The following RBBP8 variants were observed in gnomAD, a reference collection of about 807,000 sequenced individuals.
The protein encoded by RBBP8 is RB binding protein 8, endonuclease.
A neutral mutation model predicts 108.3 loss-of-function variants in RBBP8; 88 were observed. That is an observed-to-expected ratio of 0.81 (90% CI 0.68 to 0.97). The LOEUF (loss-of-function observed/expected upper bound fraction) is 0.97. RBBP8 is among the 50% of genes least tolerant of loss of function. RBBP8 has a pLI of 0.00. For missense variants in RBBP8, 1,023 were observed against 1,049.0 expected, an observed-to-expected ratio of 0.98 and a Z score of 0.34; for synonymous variants, 332 against 348.2, an observed-to-expected ratio of 0.95 and a Z score of 0.52.
At chr18:22,985,659 A>G (rs1195464173) in intron 8 of RBBP8, among the ~76,000 whole-genome samples, 4 of 151,904 alleles carry the variant, frequency 2.6e-5, no homozygotes, top group East Asian at 1.9e-4. Context: ...CCGCAGGTGT[A>G]TAGGTTGGGG....
intron 4 of RBBP8, among the ~76,000 whole-genome samples, chr18:22,964,134 T>A (rs1255641684): frequency 6.6e-6 from 1 of 152,166 alleles, no homozygotes; most frequent in Non-Finnish European, 1.5e-5. Flanking sequence ...AAAACAGTGC[T>A]GTTAGTCTTT....
At chr18:22,964,340 G>C (rs966194102) in intron 4 of RBBP8, among the ~76,000 whole-genome samples, 5 of 149,158 alleles carry the variant, frequency 3.4e-5, no homozygotes, top group Admixed American at 1.3e-4. Flanking sequence ...CTTTTGTATA[G>C]ATCTGTTAAC....
At position 22,990,035 on chromosome 18, in the gene RBBP8, AT is replaced by A. The variant is rs1214327042; in HGVS notation, c.807+724del. ...TGAATTAGTTTTTCATTACATATAG[AT>A]TTTTTTGTCCTTTCTAGTTTTAAAT... On this transcript the variant is annotated intron_variant, in intron 9 of 18. Transcript: ENST00000327155. Among the ~76,000 whole-genome samples the A allele has an allele frequency of 2.6e-5, 4 of 152,186 alleles. No homozygotes were observed. In the East Asian group the frequency reaches 5.8e-4, roughly 22 times the overall value.
intron 3 of RBBP8, among the ~76,000 whole-genome samples, chr18:22,927,693 A>C (rs1909843382): frequency 6.6e-6 from 1 of 152,180 alleles, no homozygotes; most frequent in Non-Finnish European, 1.5e-5. Flanking sequence ...TGGGTTAAAT[A>C]AAATATATTA....
chr18:23,026,413 C>T lies in RBBP8; in HGVS notation c.*173C>T, dbSNP rs571260350. 7 of 609,314 alleles carry T rather than the reference C, an allele frequency of 1.1e-5. No homozygotes were observed. The highest frequency in any genetic ancestry group is 8.8e-5 in the Admixed American group (3 of 33,964). 37.7% of individuals were successfully genotyped at this position (609,314 alleles called of 1,614,324 possible). A position where few individuals can be genotyped will look rare whatever the true frequency, so the allele number is the denominator to read the frequency against. On this transcript the variant is annotated 3_prime_UTR_variant, in exon 19 of 19. Coordinates refer to ENST00000327155, the MANE Select transcript of RBBP8 (RefSeq NM_002894.3). Reference sequence around the variant, plus strand: ...CTTTTGCACCTTTAAAACAATAAGGCGCTTTCATTTTGCACTCTAACTTAA... The same window carrying T: ...CTTTTGCACCTTTAAAACAATAAGGTGCTTTCATTTTGCACTCTAACTTAA...
intron 17 of RBBP8, among the ~76,000 whole-genome samples, chr18:23,020,900 T>C (rs1463108065): frequency 1.3e-5 from 2 of 152,178 alleles, no homozygotes; most frequent in African/African-American, 2.4e-5. Context: ...TAACAAAGGC[T>C]TATACTTAGG....
chr18:22,932,585 G>A (rs1265263555), upstream of RBBP8, among the ~76,000 whole-genome samples: 1 of 152,056 alleles, frequency 6.6e-6, no homozygotes, highest in East Asian at 1.9e-4. Context: ...CCCTTCCCAG[G>A]TCTTAGAATA....
chr18:22,944,757 A>T (rs1911409355), intron 2 of RBBP8, among the ~76,000 whole-genome samples: 2 of 152,212 alleles, frequency 1.3e-5, no homozygotes, highest in Admixed American at 6.5e-5. Flanking sequence ...AAAATGTAAC[A>T]TCCAAAAAAT....
upstream of RBBP8, among the ~76,000 whole-genome samples, chr18:22,931,414 T>C (rs1400674394): frequency 1.3e-5 from 2 of 152,206 alleles, no homozygotes; most frequent in African/African-American, 4.8e-5. Flanking sequence ...TTAAGCAGCA[T>C]AGTGACATTA....
chr18:22,914,468 G>A (rs1567934279), intron 1 of RBBP8, among the ~76,000 whole-genome samples: 1 of 152,082 alleles, frequency 6.6e-6, no homozygotes. Context: ...TATGTTCATT[G>A]ATTGTTTGCA....
At chr18:22,939,892 A>G (rs1385309525) in intron 2 of RBBP8, among the ~76,000 whole-genome samples, 3 of 152,146 alleles carry the variant, frequency 2.0e-5, no homozygotes, top group Admixed American at 2.0e-4. Context: ...AATTAAGTCT[A>G]ATTAGCCAGG....
At chr18:22,940,536 G>A (rs1455933642) in intron 2 of RBBP8, among the ~76,000 whole-genome samples, 1 of 151,882 alleles carries the variant, frequency 6.6e-6, no homozygotes, top group Non-Finnish European at 1.5e-5. Flanking sequence ...TAGCCAGGAT[G>A]GTGTCGATCT....
intron 3 of RBBP8, among the ~76,000 whole-genome samples, chr18:22,948,187 A>G (rs1911735083): frequency 6.6e-6 from 1 of 152,060 alleles, no homozygotes; most frequent in Non-Finnish European, 1.5e-5. Context: ...TATTTACTGT[A>G]TTTTATGATA....
chr18:22,942,875 A>G (rs575059103), intron 2 of RBBP8, among the ~76,000 whole-genome samples: 3 of 152,088 alleles, frequency 2.0e-5, no homozygotes, highest in Non-Finnish European at 4.4e-5. Context: ...TCTTTTGCCT[A>G]TGCCAGCGTC....
intron 16 of RBBP8, among the ~76,000 whole-genome samples, chr18:23,007,616 T>C (rs750736241): frequency 8.1e-4 from 119 of 146,462 alleles, no homozygotes; most frequent in Non-Finnish European, 1.4e-3. Flanking sequence ...GAGAATGGCG[T>C]GAACTCGGGA....
intron 2 of RBBP8, among the ~76,000 whole-genome samples, chr18:22,941,333 G>C (rs1370017066): frequency 6.6e-6 from 1 of 151,906 alleles, no homozygotes; most frequent in East Asian, 1.9e-4. Flanking sequence ...CACCACTCCT[G>C]GCTAATTTTT....
intron 3 of RBBP8, among the ~76,000 whole-genome samples, chr18:22,928,021 C>T (rs1424820307): frequency 2.0e-5 from 3 of 151,764 alleles, no homozygotes; most frequent in Non-Finnish European, 4.4e-5. Context: ...CTAGCCTGGC[C>T]AACATGGCAA....
intron 16 of RBBP8, among the ~76,000 whole-genome samples, chr18:23,012,224 A>AAAC (rs2031514183): frequency 6.6e-6 from 1 of 150,614 alleles, no homozygotes; most frequent in Non-Finnish European, 1.5e-5. Flanking sequence ...AAAAAAAAAA[A>AAAC]AAAAAAACCA....
At chr18:22,939,433 G>A (rs1261370379) in intron 2 of RBBP8, among the ~76,000 whole-genome samples, 2 of 152,086 alleles carry the variant, frequency 1.3e-5, no homozygotes, top group Non-Finnish European at 2.9e-5. Flanking sequence ...CTTGAACCCA[G>A]GAGAATCGTT....
Sources: gnomAD v4.1 joint callset for allele counts (sites outside exome capture counted in the v4.1 genomes callset) on GRCh38, gnomAD v4.1.1 for gene constraint, MANE v1.5 for transcripts, NCBI Gene and HGNC (gene_info 2026-07-23, HGNC 2026-07-21) for gene names.